The following PIWIL4 variants were observed in gnomAD, a reference collection of about 807,000 sequenced individuals.
PIWIL4 encodes piwi-like protein 4.
Under a neutral mutation model 100.9 loss-of-function variants are expected in PIWIL4, and 50 were observed. The ratio of observed to expected loss-of-function variants is 0.50; its 90% CI spans 0.39 to 0.63. The LOEUF is 0.63. Among genes scored for constraint, PIWIL4 ranks in the 20% least tolerant of loss-of-function variants. PIWIL4 has a pLI of 0.00. For missense variants in PIWIL4, 887 were observed against 1,043.3 expected (o/e 0.85, Z 2.06); for synonymous variants, 342 against 367.5 (o/e 0.93, Z 0.79).
chr11:94,568,748 A>C lies in PIWIL4; in HGVS notation c.106A>C (p.Ser36Arg). ...ATTTTAGCCTAGATCTGTTGATCTT[A>C]GTAACAATGAAGCATCCTCTAGCAA... ...ASPLPRSVDLSNNEASSSNGF... is the reference protein window; with the variant it reads ...ASPLPRSVDLRNNEASSSNGF... The change falls in exon 2 of 20, where the codon AGT (serine) becomes CGT (arginine). Residue 36 changes from serine to arginine, a missense_variant. By Grantham distance (110) the Ser-to-Arg change is moderately radical. Around this residue, in one of 2 missense-constraint regions of PIWIL4, gnomAD observed 146 missense variants for 113.4 expected, o/e 1.29. Coordinates refer to ENST00000299001, the MANE Select transcript of PIWIL4 (RefSeq NM_152431.3). 6.2e-7 allele frequency: 1 copy of C among 1,607,742 alleles called. No homozygotes were observed. Among genetic ancestry groups the C allele is most frequent in the Non-Finnish European group, 8.5e-7 (1 of 1,174,208 alleles).
intron 17 of PIWIL4, among the ~76,000 whole-genome samples, chr11:94,618,750 G>A (rs1948873179): frequency 6.6e-6 from 1 of 152,204 alleles, no homozygotes. Flanking sequence ...TATTTGGAAA[G>A]CATCTTATTC....
chr11:94,621,164 G>T lies in PIWIL4; in HGVS notation c.*172G>T. ...TCTGAAACAGTTTTAAAAAATGTGT[G>T]TTATTTTGTTTTAAAGAGTTGTATG... On this transcript the variant is annotated 3_prime_UTR_variant, in exon 20 of 20. Transcript: ENST00000299001. The T allele has an allele frequency of 1.8e-6, 1 of 547,152 alleles. No homozygotes were observed. Among genetic ancestry groups the T allele is most frequent in the Non-Finnish European group, 3.2e-6 (1 of 308,856 alleles). The allele number at this position is 547,152 out of a possible 1,614,324, so 33.9% of individuals were successfully genotyped here. A position where few individuals can be genotyped will look rare whatever the true frequency, so the allele number is the denominator to read the frequency against.
intron 2 of PIWIL4, among the ~76,000 whole-genome samples, chr11:94,570,534 G>A (rs1948137290): frequency 6.6e-6 from 1 of 151,984 alleles, no homozygotes; most frequent in Non-Finnish European, 1.5e-5. Context: ...TGAGGCACTG[G>A]GGGTTAAGAC....
chr11:94,610,043 C>T (rs557734778), intron 15 of PIWIL4, among the ~76,000 whole-genome samples: 1 of 152,254 alleles, frequency 6.6e-6, no homozygotes, highest in East Asian at 1.9e-4. Flanking sequence ...TATTCCTATC[C>T]TCTGCCCCTG....
chr11:94,574,957 G>T, intron 2 of PIWIL4, 42 bp from the exon 3 acceptor site: 1 of 1,588,306 alleles, frequency 6.3e-7, no homozygotes, highest in South Asian at 1.1e-5. Context: ...AGTATCACTA[G>T]AATGAAATAT....
At position 94,621,091 on chromosome 11, in the gene PIWIL4, A is replaced by G; in HGVS notation, c.*99A>G. ...AGCTCAAGGCTGTGACTGGGGAAAA[A>G]GATTGAGCTTAGTTTTCATGTCTAG... On this transcript the variant is annotated 3_prime_UTR_variant, in exon 20 of 20. Transcript: ENST00000299001. The G allele has an allele frequency of 1.3e-6, 1 of 785,572 alleles. No individual in the cohort carries two copies. Among genetic ancestry groups the G allele is most frequent in the Non-Finnish European group, 2.1e-6 (1 of 485,664 alleles). 48.7% of individuals were successfully genotyped at this position (785,572 alleles called of 1,614,324 possible).
At chr11:94,619,506 C>T (rs1591808740) in intron 17 of PIWIL4, among the ~76,000 whole-genome samples, 5 of 152,312 alleles carry the variant, frequency 3.3e-5, no homozygotes, top group Admixed American at 3.3e-4. Flanking sequence ...GCATTCCTTC[C>T]TGCCCCCTTT....
In PIWIL4 at chr11:94,604,021, G is replaced by A. The variant is rs1174904998; in HGVS notation, c.1603G>A (p.Ala535Thr). 1 of 1,607,146 alleles carries A rather than the reference G, an allele frequency of 6.2e-7. No homozygotes were observed. Among genetic ancestry groups the A allele is most frequent in the Non-Finnish European group, 8.5e-7 (1 of 1,176,070 alleles). ...VQENPAAFVR[A>T]IQQYVDPDVQ... is the part of the protein sequence containing the mutation. ...AGAAAATCCAGCTGCATTTGTTAGA[G>A]CTATACAGCAATATGTTGATCCTGA... Residue 535 changes from alanine (A) to threonine (T), a missense_variant, in exon 13 of 20, where the codon GCT becomes ACT. By Grantham distance (58) the Ala-to-Thr change is moderately conservative. This residue lies in a region of PIWIL4 where 741 missense variants were observed against 930.0 expected (regional missense o/e 0.80). Coordinates refer to ENST00000299001, the MANE Select transcript of PIWIL4 (RefSeq NM_152431.3).
chr11:94,587,274 T>C, intron 7 of PIWIL4, 27 bp downstream of exon 7: 2 of 1,588,436 alleles, frequency 1.3e-6, no homozygotes, highest in Non-Finnish European at 1.7e-6. Flanking sequence ...AAATAAACTT[T>C]TCTTCAGAAA....
chr11:94,610,578 A>G (rs987762543), intron 15 of PIWIL4, among the ~76,000 whole-genome samples: 1 of 151,982 alleles, frequency 6.6e-6, no homozygotes, highest in Non-Finnish European at 1.5e-5. Flanking sequence ...TTTGATTTGC[A>G]TTTCCTTGAT....
chr11:94,608,387 A>G, intron 14 of PIWIL4, 196 bp from the exon 15 acceptor site: 2 of 553,562 alleles, frequency 3.6e-6, no homozygotes, highest in South Asian at 4.5e-5. Context: ...AGTGTGTACC[A>G]TATTCTTCCT....
chr11:94,620,908 T>G lies in PIWIL4; in HGVS notation c.2475T>G (p.Tyr825Ter), dbSNP rs1224944032. 2 of 1,613,994 alleles carry G rather than the reference T, an allele frequency of 1.2e-6. No homozygotes were observed. The highest frequency in any genetic ancestry group is 1.7e-6 in the Non-Finnish European group (2 of 1,179,980). The change falls in exon 20 of 20, where the codon TAT (tyrosine) becomes TAG (stop). Residue 825 changes from tyrosine to a stop codon, truncating the protein, a stop_gained. Coordinates refer to ENST00000299001, the MANE Select transcript of PIWIL4 (RefSeq NM_152431.3). LOFTEE classifies it high-confidence loss of function. ...GIVSVPAPCQ[Y>*]AHKLTFLVAQ... ...TCAGTGTCCCAGCACCATGTCAGTA[T>G]GCTCACAAGCTGACCTTTCTGGTGG...
intron 9 of PIWIL4, among the ~76,000 whole-genome samples, chr11:94,594,825 C>T (rs1255000846): frequency 2.0e-5 from 3 of 152,164 alleles, no homozygotes; most frequent in African/African-American, 7.2e-5. Context: ...AGCCACAGCG[C>T]CCGGCCTAAG....
At chr11:94,593,828 T>C (rs1401221158) in intron 9 of PIWIL4, among the ~76,000 whole-genome samples, 187 bp downstream of exon 9, 1 of 152,202 alleles carries the variant, frequency 6.6e-6, no homozygotes, top group Non-Finnish European at 1.5e-5. Context: ...TTATCTCATA[T>C]ATTCCATGTA....
In PIWIL4 at chr11:94,583,673, T is replaced by C. The variant is rs60569310; in HGVS notation, c.635+104T>C. On this transcript the variant is annotated intron_variant, in intron 5 of 19. Coordinates refer to ENST00000299001, the MANE Select transcript of PIWIL4 (RefSeq NM_152431.3). Reference sequence around the variant, plus strand: ...CATTTTGTAGGCAGTGTGCCAGCAGTGATGCCACCGTTAGGGCAATTTCTC... The same window carrying C: ...CATTTTGTAGGCAGTGTGCCAGCAGCGATGCCACCGTTAGGGCAATTTCTC... The C allele has an allele frequency of 3.8e-3, 5,644 of 1,480,118 alleles. 204 individuals carry two copies. In the African/African-American group the frequency reaches 0.071, roughly 19 times the overall value. 91.7% of individuals were successfully genotyped at this position (1,480,118 alleles called of 1,614,324 possible). A position where few individuals can be genotyped will look rare whatever the true frequency, so the allele number is the denominator to read the frequency against.
chr11:94,573,232 A>C (rs1039188648), intron 2 of PIWIL4, among the ~76,000 whole-genome samples: 1 of 152,230 alleles, frequency 6.6e-6, no homozygotes, highest in Non-Finnish European at 1.5e-5. Context: ...TGTCATCTGC[A>C]AACGGAGACA....
chr11:94,611,408 T>A (rs1234531255), intron 15 of PIWIL4, among the ~76,000 whole-genome samples: 1 of 152,202 alleles, frequency 6.6e-6, no homozygotes, highest in East Asian at 1.9e-4. Flanking sequence ...ACTTCCATCT[T>A]AAACTACTTT....
intron 16 of PIWIL4, chr11:94,617,656 T>C (rs1337725491): frequency 2.5e-6 from 1 of 397,822 alleles, no homozygotes; most frequent in African/African-American, 2.1e-5. Flanking sequence ...CATTTGTCTA[T>C]TGCATTAATT....
intron 11 of PIWIL4, among the ~76,000 whole-genome samples, chr11:94,598,704 T>C (rs1193842955): frequency 8.4e-6 from 1 of 119,302 alleles, no homozygotes; most frequent in Non-Finnish European, 1.7e-5. Flanking sequence ...ATTTTTTCCA[T>C]CTTTTTTTTT....
Sources: allele counts gnomAD v4.1 joint callset (sites outside exome capture counted in the v4.1 genomes callset), GRCh38; gene constraint gnomAD v4.1.1; regional missense constraint gnomAD v4.1.1; transcripts MANE v1.5; gene names NCBI Gene and HGNC (gene_info 2026-07-23, HGNC 2026-07-21).